FGD6: variants seen among roughly 807,000 people sequenced by gnomAD.
FGD6 encodes FYVE, RhoGEF and PH domain-containing protein 6.
In FGD6, 90 loss-of-function variants were observed where a neutral mutation model predicts 149.4. The observed-to-expected ratio is 0.60, with a 90% CI of 0.51 to 0.72. FGD6 has a LOEUF of 0.72. FGD6 is among the 30% of genes least tolerant of loss of function. The pLI is 0.00. For missense variants in FGD6, 1,437 were observed against 1,684.8 expected, an observed-to-expected ratio of 0.85 and a Z score of 2.57; for synonymous variants, 527 against 584.0, an observed-to-expected ratio of 0.90 and a Z score of 1.41.
At chr12:95,214,006 A>T (rs2056740503) in intron 1 of FGD6, among the ~76,000 whole-genome samples, 3 of 152,230 alleles carry the variant, frequency 2.0e-5, no homozygotes, top group Admixed American at 2.0e-4. Context: ...AGGCCTCTAA[A>T]GCCCATAGGA....
At position 95,171,187 on chromosome 12, in the gene FGD6, G is replaced by A. The variant is rs561575311; in HGVS notation, c.2586+1413C>T. Among the ~76,000 whole-genome samples the A allele has an allele frequency of 2.6e-5, 4 of 152,144 alleles. No homozygotes were observed. The South Asian group carries it at 8.3e-4, about 31-fold the overall frequency. On this transcript the variant is annotated intron_variant, in intron 3 of 20. Coordinates refer to ENST00000343958, the MANE Select transcript of FGD6 (RefSeq NM_018351.4). ...AAAGTTGACCAGATCATAGCTGGTG[G>A]ATCTGGGACTTAAATTCAGACTGCT... is the stretch of plus-strand genomic sequence containing the variant.
chr12:95,148,573 A>ATATATTATAT (rs1253771442), intron 5 of FGD6, among the ~76,000 whole-genome samples: 9 of 106,306 alleles, frequency 8.5e-5, no homozygotes, highest in South Asian at 2.9e-4. Context: ...ATATTATATA[A>ATATATTATAT]TACATAGCAT....
At chr12:95,112,832 G>T (rs932759951) in intron 9 of FGD6, among the ~76,000 whole-genome samples, 3 of 152,126 alleles carry the variant, frequency 2.0e-5, no homozygotes, top group African/African-American at 7.2e-5. Flanking sequence ...GTACTACTAG[G>T]GCTGAGGGAA....
intron 6 of FGD6, 82 bp downstream of exon 6, chr12:95,141,306 A>C: frequency 1.5e-6 from 2 of 1,334,276 alleles, no homozygotes; most frequent in Non-Finnish European, 2.1e-6. Flanking sequence ...TAATGAAAAT[A>C]TATCTCTGTC....
chr12:95,216,601 A>G (rs2056791207), intron 1 of FGD6, among the ~76,000 whole-genome samples: 1 of 151,968 alleles, frequency 6.6e-6, no homozygotes, highest in African/African-American at 2.4e-5. Context: ...AGGCAGACAG[A>G]AAATAAAGCT....
chr12:95,126,258 A>T, intron 8 of FGD6: 1 of 1,321,576 alleles, frequency 7.6e-7, no homozygotes, highest in Non-Finnish European at 1.1e-6. Flanking sequence ...TGTGGGCAAG[A>T]AGGCTCCAGC....
At chr12:95,091,924 A>C (rs1234385204) in intron 16 of FGD6, 115 bp from the exon 17 acceptor site, 5 of 711,936 alleles carry the variant, frequency 7.0e-6, no homozygotes, top group African/African-American at 1.8e-5. Flanking sequence ...TTTCAGAGTC[A>C]CTGAGTCTCA....
chr12:95,109,382 C>T (rs563554440), intron 9 of FGD6, among the ~76,000 whole-genome samples: 8 of 152,254 alleles, frequency 5.3e-5, no homozygotes, highest in African/African-American at 1.9e-4. Context: ...ATCCACTGGC[C>T]TTTGGTGGGT....
intron 19 of FGD6, 23 bp downstream of exon 19, chr12:95,085,757 C>A: frequency 6.3e-7 from 1 of 1,579,794 alleles, no homozygotes; most frequent in South Asian, 1.2e-5. Context: ...CCAAATTACT[C>A]ATCTTTAGAT....
At chr12:95,087,991 A>G (rs2136232067) in intron 18 of FGD6, among the ~76,000 whole-genome samples, 1 of 152,360 alleles carries the variant, frequency 6.6e-6, no homozygotes, top group Non-Finnish European at 1.5e-5. Flanking sequence ...TGCTTAAAAT[A>G]TAGTTACATT....
rs1878103077 is a variant in FGD6, at chr12:95,092,831, A to G, written c.3615T>C (p.Asn1205=). 1 of 1,612,048 alleles carries G rather than the reference A, an allele frequency of 6.2e-7. No individual in the cohort carries two copies. Among genetic ancestry groups the G allele is most frequent in the Non-Finnish European group, 8.5e-7 (1 of 1,179,128 alleles). Residue 1205 remains asparagine (N), a synonymous_variant, in exon 16 of 21, where the codon AAT becomes AAC. Transcript: ENST00000343958. ...SRSLDEADSE[N]KEEVSPLGSK... ...ATCCAAGAGGACTAACTTCTTCTTTATTTTCTGAGTCTGCCTGTGGAAGAA... is the reference window on the plus strand; with the variant it reads ...ATCCAAGAGGACTAACTTCTTCTTTGTTTTCTGAGTCTGCCTGTGGAAGAA...
chr12:95,207,929 ATTCCACAGGT>A (rs1283847025), intron 2 of FGD6, among the ~76,000 whole-genome samples: 2 of 152,172 alleles, frequency 1.3e-5, no homozygotes, highest in African/African-American at 4.8e-5. Context: ...TGGAGTAGGT[ATTCCACAGGT>A]AGGAAGTGCA....
chr12:95,172,778 T>A (rs773380955), intron 2 of FGD6, 34 bp from the exon 3 acceptor site: 2 of 1,526,980 alleles, frequency 1.3e-6, no homozygotes, highest in South Asian at 2.6e-5. Flanking sequence ...TTAGTCACCT[T>A]CAATAATAAG....
Position 95,081,382 on chromosome 12 carries a change from A to C in FGD6, c.*138T>G. The stretch of plus-strand genomic sequence containing the variant: ...CTTTTAAAAATTGCTTATACCTAAC[A>C]AAACAATTTCTTTGATGAAGGGTCT... On this transcript the variant is annotated 3_prime_UTR_variant, in exon 21 of 21. Transcript: ENST00000343958. The C allele has an allele frequency of 1.8e-6, 1 of 568,734 alleles. No homozygotes were observed. Among genetic ancestry groups the C allele is most frequent in the East Asian group, 3.5e-5 (1 of 28,584 alleles). The allele number at this position is 568,734 out of a possible 1,614,324, so 35.2% of individuals were successfully genotyped here. A position where few individuals can be genotyped will look rare whatever the true frequency, so the allele number is the denominator to read the frequency against.
intron 2 of FGD6, among the ~76,000 whole-genome samples, chr12:95,186,464 C>T (rs1413199856): frequency 3.5e-5 from 5 of 144,350 alleles, no homozygotes; most frequent in African/African-American, 7.8e-5. Flanking sequence ...TCCCAAAGTG[C>T]TGGGATTATA....
chr12:95,091,763 A>G lies in FGD6; in HGVS notation c.3794T>C (p.Leu1265Pro). ...CSSNKYGLDY[L>P]KNQPARVCEH... ...ACATACTCTTGCTGGTTGATTTTTCAGGTAATCTAAGCCATACTTATTAGA... is the reference window on the plus strand; with the variant it reads ...ACATACTCTTGCTGGTTGATTTTTCGGGTAATCTAAGCCATACTTATTAGA... Residue 1265 changes from leucine (L) to proline (P), a missense_variant, in exon 17 of 21, where the codon CTG becomes CCG. By Grantham distance (98) the Leu-to-Pro change is moderately conservative. Coordinates refer to ENST00000343958, the MANE Select transcript of FGD6 (RefSeq NM_018351.4). The G allele has an allele frequency of 6.2e-7, 1 of 1,613,574 alleles. No individual in the cohort carries two copies. The highest frequency in any genetic ancestry group is 8.5e-7 in the Non-Finnish European group (1 of 1,179,882).
intron 3 of FGD6, among the ~76,000 whole-genome samples, chr12:95,167,066 A>G (rs1880840214): frequency 6.6e-6 from 1 of 152,030 alleles, no homozygotes; most frequent in African/African-American, 2.4e-5. Context: ...CATGTTGGTC[A>G]AGCTGCTCCC....
rs577917297 is a variant in FGD6 at position 95,201,678 on chromosome 12, A to G, written c.2441+7165T>C. Among the ~76,000 whole-genome samples the G allele has an allele frequency of 3.9e-5, 6 of 152,254 alleles. No homozygotes were observed. The East Asian group carries it at 1.2e-3, about 29-fold the overall frequency. ...CACCCTCCCCACTTCTGCCCTTCCC[A>G]AAAGACTTACACTGGGGACATTTCT... On this transcript the variant is annotated intron_variant, in intron 2 of 20. Coordinates refer to ENST00000343958, the MANE Select transcript of FGD6 (RefSeq NM_018351.4).
chr12:95,184,881 C>A (rs1394142215), intron 2 of FGD6, among the ~76,000 whole-genome samples: 1 of 143,764 alleles, frequency 7.0e-6, no homozygotes, highest in East Asian at 2.1e-4. Context: ...CCACACTCAG[C>A]CTTTTTTTTT....
Sources: gnomAD v4.1 joint callset for allele counts (sites outside exome capture counted in the v4.1 genomes callset) on GRCh38, gnomAD v4.1.1 for gene constraint, MANE v1.5 for transcripts, NCBI Gene and HGNC (gene_info 2026-07-23, HGNC 2026-07-21) for gene names.